NSMCE1: variants seen among roughly 807,000 people sequenced by gnomAD.
NSMCE1 encodes the protein non-structural maintenance of chromosomes element 1 homolog.
In NSMCE1, 18 loss-of-function variants were observed where a neutral mutation model predicts 29.6. That is an observed-to-expected ratio of 0.61 (90% CI 0.42 to 0.90). The LOEUF (loss-of-function observed/expected upper bound fraction) is 0.90, where lower values mean the gene tolerates loss of function less well. NSMCE1 is among the 40% of genes least tolerant of loss of function. The pLI is 0.00. For synonymous variants in NSMCE1, 124 were observed against 133.4 expected (o/e 0.93, Z 0.49); for missense variants, 314 against 343.6 (o/e 0.91, Z 0.68).
intron 2 of NSMCE1, among the ~76,000 whole-genome samples, chr16:27,246,361 A>G (rs2083958892): frequency 6.6e-6 from 1 of 152,252 alleles, no homozygotes; most frequent in African/African-American, 2.4e-5. Flanking sequence ...TAAACATGAT[A>G]ATACAGTGTA....
At chr16:27,241,398 T>C (rs1452372058) in intron 2 of NSMCE1, 1 of 152,726 alleles carries the variant, frequency 6.5e-6, no homozygotes, top group Non-Finnish European at 1.5e-5. Flanking sequence ...GCGGTCCTGC[T>C]AGCACAGCAC....
chr16:27,242,199 A>T (rs1490595435), intron 2 of NSMCE1, among the ~76,000 whole-genome samples: 2 of 152,366 alleles, frequency 1.3e-5, no homozygotes, highest in East Asian at 1.9e-4. Flanking sequence ...CTCAACAATC[A>T]TATAACTTGA....
intron 2 of NSMCE1, among the ~76,000 whole-genome samples, chr16:27,246,260 A>G (rs1388375915): frequency 3.9e-5 from 6 of 152,196 alleles, no homozygotes; most frequent in African/African-American, 1.4e-4. Flanking sequence ...AGTATTTCTA[A>G]ACCTAAATTT....
At chr16:27,247,089 A>G (rs1395159486) in intron 2 of NSMCE1, among the ~76,000 whole-genome samples, 4 of 152,168 alleles carry the variant, frequency 2.6e-5, no homozygotes, top group African/African-American at 9.7e-5. Flanking sequence ...TAAAATACAT[A>G]TTGGATTGCA....
At chr16:27,263,921 C>T (rs1567286262) in intron 1 of NSMCE1, among the ~76,000 whole-genome samples, 1 of 152,176 alleles carries the variant, frequency 6.6e-6, no homozygotes, top group Non-Finnish European at 1.5e-5. Context: ...AATGCTATTA[C>T]AGTCAGCATC....
intron 6 of NSMCE1, 136 bp downstream of exon 6, chr16:27,226,583 TC>T: frequency 1.6e-6 from 1 of 617,938 alleles, no homozygotes; most frequent in Non-Finnish European, 2.9e-6. Context: ...GGAGATGGCC[TC>T]CGCCAGCTCT....
chr16:27,250,293 GAGA>G, intron 2 of NSMCE1, among the ~76,000 whole-genome samples: 1 of 152,136 alleles, frequency 6.6e-6, no homozygotes, highest in East Asian at 1.9e-4. Context: ...CAAAAGTGGT[GAGA>G]ACAGACATTC....
At chr16:27,228,997 C>G (rs540683916) in intron 5 of NSMCE1, among the ~76,000 whole-genome samples, 1 of 152,160 alleles carries the variant, frequency 6.6e-6, no homozygotes, top group African/African-American at 2.4e-5. Flanking sequence ...AACGCACTCG[C>G]TACCGAACAA....
chr16:27,246,508 T>A (rs2083960264), intron 2 of NSMCE1, among the ~76,000 whole-genome samples: 1 of 152,134 alleles, frequency 6.6e-6, no homozygotes, highest in Admixed American at 6.5e-5. Flanking sequence ...GGATTATTTT[T>A]TGGAACAGGG....
chr16:27,248,076 A>C (rs1277321580), intron 2 of NSMCE1, among the ~76,000 whole-genome samples: 1 of 152,212 alleles, frequency 6.6e-6, no homozygotes, highest in African/African-American at 2.4e-5. Context: ...GTATGGATTT[A>C]TCACAGTCTG....
intron 2 of NSMCE1, among the ~76,000 whole-genome samples, chr16:27,249,966 G>A (rs552557161): frequency 1.2e-4 from 19 of 152,182 alleles, no homozygotes; most frequent in Non-Finnish European, 2.2e-4. Flanking sequence ...TTCAGTGTAC[G>A]GGTCTAACAC....
intron 2 of NSMCE1, among the ~76,000 whole-genome samples, chr16:27,251,664 A>G (rs532365378): frequency 3.9e-5 from 6 of 152,322 alleles, no homozygotes; most frequent in African/African-American, 1.4e-4. Context: ...TCAATTTTAC[A>G]GAAGAGTTTG....
intron 1 of NSMCE1, 121 bp from the exon 2 acceptor site, chr16:27,257,702 T>C (rs7201652): frequency 0.33 from 268,638 of 820,498 alleles, 45,102 homozygotes; most frequent in East Asian, 0.42. Context: ...TCATTCTTCA[T>C]GCTGTTTACT....
intron 2 of NSMCE1, among the ~76,000 whole-genome samples, chr16:27,249,374 T>C (rs1287283955): frequency 6.6e-6 from 1 of 152,250 alleles, no homozygotes; most frequent in Non-Finnish European, 1.5e-5. Context: ...AGAGGTTTTC[T>C]CCTATGTTTT....
chr16:27,250,520 G>A (rs558228465), intron 2 of NSMCE1, among the ~76,000 whole-genome samples: 14 of 151,646 alleles, frequency 9.2e-5, no homozygotes, highest in South Asian at 2.1e-4. Context: ...GGCCAGGCGC[G>A]GTGGCTCATG....
Position 27,235,187 on chromosome 16 carries a change from A to C in NSMCE1, c.249T>G (p.Ile83Met), listed in dbSNP as rs763208367. Residue 83 changes from isoleucine (I) to methionine (M), a missense_variant, in exon 3 of 8, where the codon ATT becomes ATG. Physicochemically the swap from Ile to Met is conservative, Grantham distance 10. Coordinates refer to ENST00000361439, the MANE Select transcript of NSMCE1 (RefSeq NM_145080.4). ...TCTGCCGGGCACTCACCAACGCATA[A>C]ATGGGTCTCCCATCATCTTCCGTGA... ...RGVTEDDGRP[I>M]YALVNLATTS... 1.2e-6 allele frequency: 2 copies of C among 1,613,964 alleles called. No homozygotes were observed. The highest frequency in any genetic ancestry group is 4.5e-5 in the East Asian group (2 of 44,876).
At chr16:27,251,210 A>ATG (rs2084032138) in intron 2 of NSMCE1, among the ~76,000 whole-genome samples, 1 of 131,204 alleles carries the variant, frequency 7.6e-6, no homozygotes, top group African/African-American at 3.0e-5. Context: ...ATATATATAA[A>ATG]ACTCTGTAGA....
At chr16:27,230,223 C>T (rs184562260) in intron 5 of NSMCE1, among the ~76,000 whole-genome samples, 171 of 152,328 alleles carry the variant, frequency 1.1e-3, no homozygotes, top group African/African-American at 3.7e-3. Flanking sequence ...ACCTCCATGC[C>T]GGGCCAGTCT....
At chr16:27,239,436 C>A (rs2083865223) in intron 2 of NSMCE1, among the ~76,000 whole-genome samples, 1 of 152,180 alleles carries the variant, frequency 6.6e-6, no homozygotes, top group African/African-American at 2.4e-5. Flanking sequence ...TCTACGAGCC[C>A]ATGGTCATGA....
Sources: allele counts gnomAD v4.1 joint callset (sites outside exome capture counted in the v4.1 genomes callset), GRCh38; gene constraint gnomAD v4.1.1; transcripts MANE v1.5; gene names NCBI Gene and HGNC (gene_info 2026-07-23, HGNC 2026-07-21).